The following KCNB2 variants were observed in gnomAD, a reference collection of about 807,000 sequenced individuals.
KCNB2 encodes potassium voltage-gated channel subfamily B member 2.
A neutral mutation model predicts 61.5 loss-of-function variants in KCNB2; 15 were observed. The ratio of observed to expected loss-of-function variants is 0.24; its 90% confidence interval spans 0.16 to 0.38. The LOEUF is 0.38. KCNB2 is among the 10% of genes least tolerant of loss of function. The pLI is 1.00. For missense variants in KCNB2, 828 were observed against 1,125.2 expected, an observed-to-expected ratio of 0.74 and a Z score of 3.78; for synonymous variants, 457 against 446.0, an observed-to-expected ratio of 1.02 and a Z score of -0.31.
chr8:72,802,559 G>GTT (rs1285910017), intron 2 of KCNB2, among the ~76,000 whole-genome samples: 15 of 152,210 alleles, frequency 9.9e-5, no homozygotes, highest in Non-Finnish European at 1.9e-4. Flanking sequence ...TCATTTATGT[G>GTT]TTTGGCAATG....
chr8:72,550,876 G>A (rs902340126), intron 1 of KCNB2, among the ~76,000 whole-genome samples: 1 of 152,212 alleles, frequency 6.6e-6, no homozygotes, highest in African/African-American at 2.4e-5. Flanking sequence ...CTGGGAGCAG[G>A]CGATATTTGG....
chr8:72,769,160 C>CA (rs1246042957), intron 2 of KCNB2, among the ~76,000 whole-genome samples: 2 of 150,192 alleles, frequency 1.3e-5, no homozygotes, highest in African/African-American at 4.9e-5. Context: ...AACCCTGTCT[C>CA]AAAAAAAGAG....
At chr8:72,824,417 T>A (rs1056521324) in intron 2 of KCNB2, among the ~76,000 whole-genome samples, 7 of 152,092 alleles carry the variant, frequency 4.6e-5, no homozygotes, top group African/African-American at 1.4e-4. Context: ...CCAGCCCCCC[T>A]GTAGTGGCCA....
chr8:72,715,169 T>G (rs1807408002), intron 2 of KCNB2, among the ~76,000 whole-genome samples: 1 of 152,168 alleles, frequency 6.6e-6, no homozygotes, highest in African/African-American at 2.4e-5. Flanking sequence ...AGCAAGTCCT[T>G]AGTGACCTAC....
chr8:72,683,712 A>T (rs751735588), intron 2 of KCNB2, among the ~76,000 whole-genome samples: 2 of 152,210 alleles, frequency 1.3e-5, no homozygotes, highest in Admixed American at 1.3e-4. Context: ...CAGATACTGT[A>T]CAGGCAAAAA....
At chr8:72,771,802 T>C (rs1808565901) in intron 2 of KCNB2, among the ~76,000 whole-genome samples, 1 of 151,992 alleles carries the variant, frequency 6.6e-6, no homozygotes, top group Non-Finnish European at 1.5e-5. Flanking sequence ...GATATAATAT[T>C]ATAAAAAGAA....
At chr8:72,628,400 GGTGTGTGTGTGTGTGT>G (rs1160601490) in intron 2 of KCNB2, among the ~76,000 whole-genome samples, 1 of 47,340 alleles carries the variant, frequency 2.1e-5, no homozygotes, top group East Asian at 9.2e-4. Flanking sequence ...CCTGTTAGGG[GGTGTGTGTGTGTGTGT>G]GTGTGTGTGT....
chr8:72,732,767 A>T (rs116125158), intron 2 of KCNB2, among the ~76,000 whole-genome samples: 2,828 of 152,254 alleles, frequency 0.019, 68 homozygotes, highest in African/African-American at 0.062. Flanking sequence ...TAAAAATAAG[A>T]TGTGTAAGAG....
At chr8:72,788,096 T>G (rs184026734) in intron 2 of KCNB2, among the ~76,000 whole-genome samples, 11 of 152,328 alleles carry the variant, frequency 7.2e-5, no homozygotes, top group African/African-American at 2.6e-4. Flanking sequence ...TATTAAGGAC[T>G]TGGCATTCTG....
chr8:72,583,342 G>T (rs1167078395), intron 2 of KCNB2, among the ~76,000 whole-genome samples: 3 of 151,952 alleles, frequency 2.0e-5, no homozygotes, highest in Non-Finnish European at 4.4e-5. Context: ...CATCTTCTAA[G>T]AATTTTAATG....
chr8:72,854,724 T>C lies in KCNB2; in HGVS notation c.580-81211T>C, dbSNP rs756174403. ...AAAAAAGTAATCGTTAAGCTGACAT[T>C]GGAGAAAAAGTGGGAGGAAGTAGAG... On this transcript the variant is annotated intron_variant, in intron 2 of 2. Transcript: ENST00000523207. Among the ~76,000 whole-genome samples, 34 of 151,906 alleles carry C rather than the reference T, an allele frequency of 2.2e-4. 1 individual carries two copies. The highest frequency in any genetic ancestry group is 6.6e-5 in the Admixed American group (1 of 15,240).
chr8:72,829,958 A>T (rs1177622798), intron 2 of KCNB2, among the ~76,000 whole-genome samples: 1 of 150,228 alleles, frequency 6.7e-6, no homozygotes, highest in Non-Finnish European at 1.5e-5. Context: ...AGGGAAAAAG[A>T]AATGGAGGAA....
rs183226871 is a variant in KCNB2, at chr8:72,814,005, C to A, written c.580-121930C>A. Among the ~76,000 whole-genome samples the A allele has an allele frequency of 1.1e-4, 16 of 152,266 alleles. 1 individual carries two copies. The East Asian group carries it at 2.9e-3, about 28-fold the overall frequency. On this transcript the variant is annotated intron_variant, in intron 2 of 2. Coordinates refer to ENST00000523207, the MANE Select transcript of KCNB2 (RefSeq NM_004770.3). ...ATTTCTCCTAATGCTATCCCTCCCC[C>A]TACAACCCACCCCATGACAGGCTCC...
intron 1 of KCNB2, among the ~76,000 whole-genome samples, chr8:72,562,527 A>G (rs1806554373): frequency 6.6e-6 from 1 of 152,236 alleles, no homozygotes; most frequent in African/African-American, 2.4e-5. Flanking sequence ...TAGCAAGCTT[A>G]ACTTTCAATT....
chr8:72,715,307 A>C (rs1302200180), intron 2 of KCNB2, among the ~76,000 whole-genome samples: 1 of 152,178 alleles, frequency 6.6e-6, no homozygotes, highest in Non-Finnish European at 1.5e-5. Context: ...TGCACCAAGC[A>C]GACCTAATAG....
intron 2 of KCNB2, among the ~76,000 whole-genome samples, chr8:72,655,417 C>G (rs891384052): frequency 2.0e-5 from 3 of 151,948 alleles, no homozygotes; most frequent in African/African-American, 7.3e-5. Context: ...ACCTGTATAA[C>G]AAACCCTGAA....
At chr8:72,724,810 G>C (rs1267108448) in intron 2 of KCNB2, among the ~76,000 whole-genome samples, 1 of 152,132 alleles carries the variant, frequency 6.6e-6, no homozygotes, top group Non-Finnish European at 1.5e-5. Flanking sequence ...AATGTAAATG[G>C]ACGGATCTAG....
At chr8:72,772,545 G>A (rs922254223) in intron 2 of KCNB2, among the ~76,000 whole-genome samples, 10 of 152,290 alleles carry the variant, frequency 6.6e-5, no homozygotes, top group African/African-American at 1.4e-4. Context: ...TTTTGCTGTT[G>A]TTGCTGATTA....
intron 2 of KCNB2, among the ~76,000 whole-genome samples, chr8:72,667,652 T>C (rs1025768174): frequency 6.6e-6 from 1 of 152,110 alleles, no homozygotes; most frequent in African/African-American, 2.4e-5. Flanking sequence ...CATGTCTCTT[T>C]ATCTTCACTA....
Sources: allele counts gnomAD v4.1 joint callset (sites outside exome capture counted in the v4.1 genomes callset), GRCh38; gene constraint gnomAD v4.1.1; transcripts MANE v1.5; gene names NCBI Gene and HGNC (gene_info 2026-07-23, HGNC 2026-07-21).